GTPBP1: variants seen among roughly 807,000 people sequenced by gnomAD.
The protein encoded by GTPBP1 is GTP-binding protein 1.
GTPBP1 carries 23 observed loss-of-function variants against 62.0 expected under a neutral mutation model. That is an observed-to-expected ratio of 0.37 (90% CI 0.27 to 0.53). GTPBP1 has a LOEUF of 0.53. Among genes scored for constraint, GTPBP1 ranks in the 20% least tolerant of loss-of-function variants. The pLI is 0.89. For synonymous variants in GTPBP1, 344 were observed against 364.4 expected (o/e 0.94, Z 0.64); for missense variants, 640 against 917.3 (o/e 0.70, Z 3.90).
chr22:38,718,742 G>A (rs2092684245), intron 4 of GTPBP1, among the ~76,000 whole-genome samples: 1 of 152,170 alleles, frequency 6.6e-6, no homozygotes, highest in Admixed American at 6.5e-5. Context: ...TTTTCTTCTG[G>A]TTTAGTATGG....
At chr22:38,717,389 T>C (rs1268785958) in intron 4 of GTPBP1, among the ~76,000 whole-genome samples, 2 of 152,026 alleles carry the variant, frequency 1.3e-5, no homozygotes, top group Non-Finnish European at 2.9e-5. Context: ...GGGGCAGGCC[T>C]GGGGAAGAAA....
downstream of GTPBP1, chr22:38,736,297 G>T (rs939772294): frequency 1.2e-6 from 2 of 1,613,912 alleles, no homozygotes; most frequent in Non-Finnish European, 1.7e-6. Context: ...GCACTCTGAA[G>T]CGGTAGATGC....
downstream of GTPBP1, among the ~76,000 whole-genome samples, chr22:38,737,109 A>C (rs1315928126): frequency 6.6e-6 from 1 of 152,136 alleles, no homozygotes; most frequent in Non-Finnish European, 1.5e-5. The surrounding 1 kb of genome is among the most constrained non-coding windows in gnomAD (Gnocchi z 4.1). Context: ...GGCCTTGCAA[A>C]GTGCTGGAAT....
intron 5 of GTPBP1, chr22:38,722,891 T>G (rs923773297): frequency 2.3e-6 from 3 of 1,294,134 alleles, no homozygotes; most frequent in Non-Finnish European, 3.4e-6. Flanking sequence ...CTTCCACGCT[T>G]CGGCCCACTG....
chr22:38,729,424 G>A lies in GTPBP1; in HGVS notation c.1717-38G>A, dbSNP rs780975309. On this transcript the variant is annotated intron_variant, in intron 10 of 11. Transcript: ENST00000216044. ...GTAGCCAAGCCAGTGCCACTGCCCC[G>A]CAGCTCCAGCCTCAGCCTCTCTCCA... 29 of 1,499,640 alleles carry A rather than the reference G, an allele frequency of 1.9e-5. No homozygotes were observed. The East Asian group carries it at 2.7e-4, about 14-fold the overall frequency. 92.9% of individuals were successfully genotyped at this position (1,499,640 alleles called of 1,614,324 possible). A position where few individuals can be genotyped will look rare whatever the true frequency, so the allele number is the denominator to read the frequency against.
chr22:38,742,520 CAG>C, downstream of GTPBP1: 6 of 1,613,138 alleles, frequency 3.7e-6, no homozygotes, highest in Non-Finnish European at 5.1e-6. Flanking sequence ...GACGCCGCTC[CAG>C]AGAGTGTACC....
rs746644396 is a variant in GTPBP1 at position 38,717,008 on chromosome 22, G to A, written c.834+8G>A. On this transcript the variant is annotated splice_region_variant and intron_variant, in intron 4 of 11. Coordinates refer to ENST00000216044, the MANE Select transcript of GTPBP1 (RefSeq NM_004286.5). The stretch of plus-strand genomic sequence containing the variant: ...GACTTCTGCATGCTCATGGTGAGTG[G>A]GAGGCGCCCCAAGGAGGGGAGGCGT... The A allele has an allele frequency of 1.9e-6, 3 of 1,576,558 alleles. No homozygotes were observed. Among genetic ancestry groups the A allele is most frequent in the Non-Finnish European group, 2.6e-6 (3 of 1,148,294 alleles).
downstream of GTPBP1, chr22:38,740,224 G>A: frequency 6.7e-7 from 1 of 1,498,662 alleles, no homozygotes; most frequent in South Asian, 1.3e-5. The surrounding 1 kb of genome is among the most constrained non-coding windows in gnomAD (Gnocchi z 4.8). Flanking sequence ...CGTCTCAAAG[G>A]AGGAGGAGAG....
downstream of GTPBP1, chr22:38,738,815 ATGG>A (rs1295558216): frequency 1.3e-6 from 2 of 1,599,406 alleles, no homozygotes; most frequent in African/African-American, 2.7e-5. This position sits in a 1 kb window ranked among gnomAD's most constrained non-coding sequence, Gnocchi z 6.6. Context: ...CTGACCCCAG[ATGG>A]GACCAGCCCT....
downstream of GTPBP1, chr22:38,739,475 C>G: frequency 6.3e-7 from 1 of 1,596,052 alleles, no homozygotes; most frequent in Non-Finnish European, 8.6e-7. The surrounding 1 kb of genome is among the most constrained non-coding windows in gnomAD (Gnocchi z 6.7). Flanking sequence ...CAGACGTGTC[C>G]CCCTGTCACC....
chr22:38,739,434 G>C (rs1416250131), downstream of GTPBP1: 6 of 1,612,610 alleles, frequency 3.7e-6, no homozygotes, highest in Non-Finnish European at 5.1e-6. This position sits in a 1 kb window ranked among gnomAD's most constrained non-coding sequence, Gnocchi z 6.7. Flanking sequence ...CTGCTGCAAT[G>C]CAGGCACCAG....
chr22:38,709,055 G>A (rs2092623060), intron 2 of GTPBP1, 99 bp downstream of exon 2: 3 of 694,910 alleles, frequency 4.3e-6, no homozygotes, highest in Middle Eastern at 3.7e-4. Flanking sequence ...GGCCAAGACG[G>A]GTGGATCACC....
At chr22:38,740,543 C>T, downstream of GTPBP1, 3 of 1,235,030 alleles carry the variant, frequency 2.4e-6, no homozygotes, top group East Asian at 2.8e-5. This position sits in a 1 kb window ranked among gnomAD's most constrained non-coding sequence, Gnocchi z 4.8. Context: ...AGCGGGTGCC[C>T]AGCACTCATT....
chr22:38,715,044 G>A (rs563308959), intron 2 of GTPBP1, among the ~76,000 whole-genome samples: 22 of 152,182 alleles, frequency 1.4e-4, no homozygotes, highest in Admixed American at 1.2e-3. Context: ...TCTCTAAAAT[G>A]TTTCTGAGTT....
chr22:38,736,204 G>A (rs1193507114), downstream of GTPBP1: 1 of 1,472,598 alleles, frequency 6.8e-7, no homozygotes, highest in South Asian at 1.2e-5. Context: ...AGCGTGTGGG[G>A]GAAGCGGCGG....
Position 38,716,900 on chromosome 22 carries a change from C to T in GTPBP1, c.734C>T (p.Thr245Met), listed in dbSNP as rs751758343. The T allele has an allele frequency of 8.7e-6, 14 of 1,613,902 alleles. No homozygotes were observed. The highest frequency in any genetic ancestry group is 3.3e-5 in the South Asian group (3 of 91,088). ...LEWTKICEKS[T>M]KVITFIDLAG... ...TGGACCAAGATCTGTGAGAAGTCCACGAAAGTCATTACCTTCATCGACTTG... is the reference window on the plus strand; with the variant it reads ...TGGACCAAGATCTGTGAGAAGTCCATGAAAGTCATTACCTTCATCGACTTG... Residue 245 changes from threonine to methionine, a missense_variant, in exon 4 of 12, where the codon ACG (threonine) becomes ATG (methionine). By Grantham distance (81) the Thr-to-Met change is moderately conservative. Around this residue, in one of 4 missense-constraint regions of GTPBP1, gnomAD observed 88 missense variants for 217.0 expected, o/e 0.41. Transcript: ENST00000216044. The surrounding 1 kb of genome is among the most constrained non-coding windows in gnomAD (Gnocchi z 5.2).
chr22:38,712,668 T>G (rs1265174058), intron 2 of GTPBP1, among the ~76,000 whole-genome samples: 1 of 152,140 alleles, frequency 6.6e-6, no homozygotes, highest in Non-Finnish European at 1.5e-5. Flanking sequence ...AGGAATGTGA[T>G]GCATGCTGGA....
At chr22:38,722,815 A>G (rs2092707363) in intron 5 of GTPBP1, 3 of 1,592,672 alleles carry the variant, frequency 1.9e-6, no homozygotes, top group South Asian at 1.1e-5. Context: ...TCCAGTGTCC[A>G]GTTTGCTGGG....
At position 38,732,048 on chromosome 22, in the gene GTPBP1, C is replaced by G. The variant is rs2092763386; in HGVS notation, c.*1344C>G. Reference sequence around the variant, plus strand: ...TGGGTGGGGGTGGTTCGTTCTCTAGCCGGGGCAGACACCCAGCTGGCTGGG... The same window carrying G: ...TGGGTGGGGGTGGTTCGTTCTCTAGGCGGGGCAGACACCCAGCTGGCTGGG... On this transcript the variant is annotated 3_prime_UTR_variant, in exon 12 of 12. Coordinates refer to ENST00000216044, the MANE Select transcript of GTPBP1 (RefSeq NM_004286.5). 6.6e-6 allele frequency: 1 copy of G among 152,670 alleles called. No individual in the cohort carries two copies. The highest frequency in any genetic ancestry group is 1.5e-5 in the Non-Finnish European group (1 of 68,316). 9.5% of individuals were successfully genotyped at this position (152,670 alleles called of 1,614,324 possible).
Sources: gnomAD v4.1 joint callset for allele counts (sites outside exome capture counted in the v4.1 genomes callset) on GRCh38, gnomAD v4.1.1 for gene constraint, gnomAD v4.1.1 regional missense constraint, Gnocchi (gnomAD v3.1) non-coding constraint, MANE v1.5 for transcripts, NCBI Gene and HGNC (gene_info 2026-07-23, HGNC 2026-07-21) for gene names.